B3GALT1: variants seen among roughly 807,000 people sequenced by gnomAD.
B3GALT1 encodes beta-1,3-galactosyltransferase 1.
Under a neutral mutation model 23.2 loss-of-function variants are expected in B3GALT1, and 10 were observed. The ratio of observed to expected loss-of-function variants is 0.43; its 90% CI spans 0.27 to 0.73. The LOEUF is 0.73. Among genes scored for constraint, B3GALT1 ranks in the 30% least tolerant of loss-of-function variants. The pLI, the probability that B3GALT1 is intolerant of heterozygous loss-of-function variation, is 0.21. For synonymous variants in B3GALT1, 156 were observed against 141.5 expected (o/e 1.10, Z -0.73); for missense variants, 299 against 405.4 (o/e 0.74, Z 2.25).
At chr2:167,781,108 A>C (rs542804599) in intron 3 of B3GALT1, among the ~76,000 whole-genome samples, 5 of 152,358 alleles carry the variant, frequency 3.3e-5, no homozygotes, top group Admixed American at 1.3e-4. Flanking sequence ...TACTAAAGTT[A>C]TATGCAAAAT....
intron 1 of B3GALT1, among the ~76,000 whole-genome samples, chr2:167,445,769 G>C (rs1256645623): frequency 6.6e-6 from 1 of 152,104 alleles, no homozygotes; most frequent in Non-Finnish European, 1.5e-5. Context: ...CTGCACGTGA[G>C]ATGGGTTTCC....
chr2:167,475,162 G>C (rs73972276), intron 1 of B3GALT1, among the ~76,000 whole-genome samples: 3,691 of 152,174 alleles, frequency 0.024, 73 homozygotes, highest in African/African-American at 0.051. Context: ...CTAAGTTTTA[G>C]ATTGCACATC....
chr2:167,765,486 A>G (rs1023851186), intron 3 of B3GALT1, among the ~76,000 whole-genome samples: 1 of 152,212 alleles, frequency 6.6e-6, no homozygotes, highest in Non-Finnish European at 1.5e-5. Flanking sequence ...TAGTGGGAAA[A>G]TAGAAATAGT....
chr2:167,353,627 T>A (rs2689829), intron 1 of B3GALT1, among the ~76,000 whole-genome samples: 1 of 151,958 alleles, frequency 6.6e-6, no homozygotes, highest in African/African-American at 2.4e-5. Context: ...GATAATACTT[T>A]TTATTATGTA....
chr2:167,709,319 T>A (rs986375954), intron 3 of B3GALT1, among the ~76,000 whole-genome samples: 14 of 152,160 alleles, frequency 9.2e-5, no homozygotes, highest in Admixed American at 5.2e-4. Context: ...AATAACCAGA[T>A]AATACCTTCT....
Position 167,701,488 on chromosome 2 carries a change from G to A in B3GALT1, c.-352+54522G>A, listed in dbSNP as rs533364045. ...TCCTATAAAGATACCTATGATGGTC[G>A]TAAAGTTTACTCTCTAAGTGCATCA... On this transcript the variant is annotated intron_variant, in intron 3 of 4. Transcript: ENST00000392690. Among the ~76,000 whole-genome samples, 72 of 152,212 alleles carry A rather than the reference G, an allele frequency of 4.7e-4. No homozygotes were observed. In the South Asian group the frequency reaches 0.011, roughly 22 times the overall value.
chr2:167,420,941 G>A (rs780698086), intron 1 of B3GALT1, among the ~76,000 whole-genome samples: 8 of 152,156 alleles, frequency 5.3e-5, no homozygotes, highest in Non-Finnish European at 1.0e-4. Context: ...GCTAAAAAAT[G>A]TAAGTGACTT....
chr2:167,566,064 C>T (rs999072718), intron 2 of B3GALT1, among the ~76,000 whole-genome samples: 19 of 151,972 alleles, frequency 1.3e-4, no homozygotes, highest in African/African-American at 2.7e-4. Context: ...ATGTTTATTG[C>T]GGCACTATTC....
chr2:167,711,243 A>G (rs1260640100), intron 3 of B3GALT1, among the ~76,000 whole-genome samples: 1 of 152,068 alleles, frequency 6.6e-6, no homozygotes, highest in African/African-American at 2.4e-5. Context: ...CCCTGATCCA[A>G]TCTAAACAAG....
chr2:167,471,885 C>T (rs1296036426), intron 1 of B3GALT1, among the ~76,000 whole-genome samples: 1 of 152,028 alleles, frequency 6.6e-6, no homozygotes, highest in African/African-American at 2.4e-5. Flanking sequence ...CAATGGCTCT[C>T]AGTGAGAGGC....
At chr2:167,313,570 T>C (rs1696665030) in intron 1 of B3GALT1, among the ~76,000 whole-genome samples, 1 of 152,050 alleles carries the variant, frequency 6.6e-6, no homozygotes, top group South Asian at 2.1e-4. Context: ...AGATAAAGTG[T>C]CCCTCCAATA....
At chr2:167,412,549 A>C (rs969978431) in intron 1 of B3GALT1, among the ~76,000 whole-genome samples, 5 of 152,170 alleles carry the variant, frequency 3.3e-5, no homozygotes, top group African/African-American at 1.2e-4. Context: ...ACAACATACC[A>C]TACCAAATGA....
chr2:167,500,348 T>C (rs979974), intron 2 of B3GALT1, among the ~76,000 whole-genome samples: 7,194 of 152,262 alleles, frequency 0.047, 566 homozygotes, highest in African/African-American at 0.16. Flanking sequence ...GGTTGATATT[T>C]TTCAGTGGCA....
chr2:167,591,109 A>C (rs1018489739), intron 2 of B3GALT1, among the ~76,000 whole-genome samples: 1 of 152,214 alleles, frequency 6.6e-6, no homozygotes, highest in African/African-American at 2.4e-5. Flanking sequence ...AAGATAAATA[A>C]GTGAAATAAA....
At chr2:167,416,824 T>C (rs1698478166) in intron 1 of B3GALT1, among the ~76,000 whole-genome samples, 1 of 152,230 alleles carries the variant, frequency 6.6e-6, no homozygotes, top group South Asian at 2.1e-4. Context: ...TCTCCAGCTT[T>C]AAGATTTCAT....
At chr2:167,844,555 C>T (rs1000083104) in intron 4 of B3GALT1, among the ~76,000 whole-genome samples, 3 of 152,108 alleles carry the variant, frequency 2.0e-5, no homozygotes, top group African/African-American at 7.2e-5. Flanking sequence ...GAGAGCCTAG[C>T]GAAATACAGG....
At chr2:167,463,880 A>AT (rs1361091386) in intron 1 of B3GALT1, among the ~76,000 whole-genome samples, 1 of 152,206 alleles carries the variant, frequency 6.6e-6, no homozygotes, top group East Asian at 1.9e-4. Context: ...GACAGGAGGC[A>AT]TTTTTAAGAT....
At chr2:167,810,326 G>C (rs1039637741) in intron 3 of B3GALT1, among the ~76,000 whole-genome samples, 1 of 150,910 alleles carries the variant, frequency 6.6e-6, no homozygotes, top group Middle Eastern at 3.4e-3. Flanking sequence ...AGATGAACCT[G>C]GTACCTCAGT....
At chr2:167,655,422 T>C (rs533890305) in intron 3 of B3GALT1, among the ~76,000 whole-genome samples, 6 of 152,114 alleles carry the variant, frequency 3.9e-5, no homozygotes, top group Non-Finnish European at 7.4e-5. Context: ...CAACCACAAA[T>C]AACACTGACT....
Sources: allele counts gnomAD v4.1 joint callset (sites outside exome capture counted in the v4.1 genomes callset), GRCh38; gene constraint gnomAD v4.1.1; transcripts MANE v1.5; gene names NCBI Gene and HGNC (gene_info 2026-07-23, HGNC 2026-07-21).